Variants in PTPRD observed in about 807,000 individuals in gnomAD.
PTPRD encodes protein tyrosine phosphatase receptor type D.
Under a neutral mutation model 214.5 loss-of-function variants are expected in PTPRD, and 34 were observed. The observed-to-expected ratio is 0.16, with a 90% CI of 0.12 to 0.21. PTPRD has a LOEUF of 0.21. Ranked by LOEUF, PTPRD falls within the 10% of genes least tolerant of loss-of-function variation. PTPRD has a pLI of 1.00. For synonymous variants in PTPRD, 1,128 were observed against 845.7 expected (o/e 1.33, Z -5.79); for missense variants, 2,545 against 2,398.7 (o/e 1.06, Z -1.27).
intron 6 of PTPRD, among the ~76,000 whole-genome samples, chr9:9,741,978 C>T (rs1226860689): frequency 1.3e-5 from 2 of 152,040 alleles, no homozygotes; most frequent in Non-Finnish European, 2.9e-5. Flanking sequence ...CCTAGTAATG[C>T]AATTGTTGGG....
At chr9:9,614,207 A>T (rs2094712798) in intron 7 of PTPRD, among the ~76,000 whole-genome samples, 1 of 152,028 alleles carries the variant, frequency 6.6e-6, no homozygotes, top group Admixed American at 6.6e-5. Context: ...CAAAGTGGTT[A>T]ATTTTAGATC....
At chr9:9,312,182 G>T (rs1280179000) in intron 9 of PTPRD, among the ~76,000 whole-genome samples, 2 of 152,262 alleles carry the variant, frequency 1.3e-5, no homozygotes, top group East Asian at 3.9e-4. Context: ...ACTGAGATGT[G>T]AAGTATCAGC....
At position 10,580,320 on chromosome 9, in the gene PTPRD, C is replaced by T. The variant is rs1000645358; in HGVS notation, c.-600+32078G>A. Among the ~76,000 whole-genome samples, 25 of 152,236 alleles carry T rather than the reference C, an allele frequency of 1.6e-4. 1 individual carries two copies. Among genetic ancestry groups the T allele is most frequent in the Admixed American group, 1.2e-3 (18 of 15,296 alleles). ...ATGCCATTTTTAAAATAAAATATTA[C>T]ATTCTTTGTCTTGGGAATGTGATTT... On this transcript the variant is annotated intron_variant, in intron 2 of 45. Transcript: ENST00000381196.
At chr9:9,679,478 C>T (rs1205535747) in intron 7 of PTPRD, among the ~76,000 whole-genome samples, 2 of 151,848 alleles carry the variant, frequency 1.3e-5, no homozygotes, top group Non-Finnish European at 2.9e-5. Flanking sequence ...GATAGAATGA[C>T]GGATCCCCCT....
intron 39 of PTPRD, among the ~76,000 whole-genome samples, chr9:8,351,067 C>T (rs2075307455): frequency 6.6e-6 from 1 of 152,130 alleles, no homozygotes; most frequent in Admixed American, 6.5e-5. Context: ...GTAAAACAAT[C>T]ATGGCTAGGG....
chr9:10,309,752 AC>A (rs2096213265), intron 3 of PTPRD, among the ~76,000 whole-genome samples: 1 of 151,952 alleles, frequency 6.6e-6, no homozygotes, highest in Non-Finnish European at 1.5e-5. Context: ...ATAGATATAT[AC>A]ATATGTGTCT....
At chr9:10,308,286 T>A (rs2096152185) in intron 3 of PTPRD, among the ~76,000 whole-genome samples, 1 of 152,088 alleles carries the variant, frequency 6.6e-6, no homozygotes, top group Admixed American at 6.6e-5. Flanking sequence ...CATATGGATG[T>A]CCAATGTTCC....
chr9:10,126,315 T>C (rs2098818718), intron 3 of PTPRD, among the ~76,000 whole-genome samples: 1 of 152,092 alleles, frequency 6.6e-6, no homozygotes, highest in Non-Finnish European at 1.5e-5. Flanking sequence ...ATATTTAATA[T>C]TCCATAATAT....
At chr9:10,033,950 G>A (rs2097130197) in intron 3 of PTPRD, among the ~76,000 whole-genome samples, 160 bp from the exon 4 acceptor site, 1 of 152,070 alleles carries the variant, frequency 6.6e-6, no homozygotes, top group Non-Finnish European at 1.5e-5. Context: ...ACCTTAAAAT[G>A]AGAGTCTATA....
chr9:9,972,831 C>T (rs1185967577), intron 4 of PTPRD, among the ~76,000 whole-genome samples: 2 of 152,260 alleles, frequency 1.3e-5, no homozygotes, highest in East Asian at 1.9e-4. Context: ...AACTCTGAGC[C>T]TCTGCCTCTT....
At chr9:9,368,810 G>A (rs563340364) in intron 9 of PTPRD, among the ~76,000 whole-genome samples, 36 of 151,880 alleles carry the variant, frequency 2.4e-4, no homozygotes, top group African/African-American at 8.0e-4. Context: ...TGCACAACGT[G>A]CAGGTTACAT....
intron 11 of PTPRD, among the ~76,000 whole-genome samples, chr9:8,921,077 G>T (rs748586228): frequency 6.6e-6 from 1 of 152,180 alleles, no homozygotes; most frequent in Middle Eastern, 3.2e-3. Flanking sequence ...GCCTCCCAAA[G>T]TGTTGGGATT....
chr9:10,043,719 G>A (rs1461109202), intron 3 of PTPRD, among the ~76,000 whole-genome samples: 1 of 151,792 alleles, frequency 6.6e-6, no homozygotes, highest in Non-Finnish European at 1.5e-5. Context: ...TGTTGCCAAG[G>A]AGACATTCTA....
chr9:8,419,842 A>G (rs1039799884), intron 35 of PTPRD, among the ~76,000 whole-genome samples: 22 of 152,166 alleles, frequency 1.4e-4, no homozygotes, highest in African/African-American at 5.1e-4. Context: ...AATATGAGAA[A>G]GAGAAACATG....
chr9:8,484,272 T>C lies in PTPRD; in HGVS notation c.3260A>G (p.Asn1087Ser). The C allele has an allele frequency of 1.2e-6, 2 of 1,614,118 alleles. No individual in the cohort carries two copies. Among genetic ancestry groups the C allele is most frequent in the South Asian group, 2.2e-5 (2 of 91,080 alleles). ...CAGCCCACCAGCACTGTTTCCACGA[T>C]TTGTCAGCACAAATGAATATGATTT... ...PEKSYSFVLT[N>S]RGNSAGGLQH... The change falls in exon 30 of 46, where the codon AAT becomes AGT. Residue 1087 changes from asparagine to serine, a missense_variant. Asn to Ser is a conservative substitution (Grantham distance 46). Coordinates refer to ENST00000381196, the MANE Select transcript of PTPRD (RefSeq NM_002839.4).
intron 37 of PTPRD, among the ~76,000 whole-genome samples, chr9:8,387,587 C>T (rs944491365): frequency 5.9e-5 from 9 of 152,162 alleles, no homozygotes; most frequent in African/African-American, 1.4e-4. Context: ...TATAATAGTT[C>T]AGCTGTCTCA....
intron 2 of PTPRD, among the ~76,000 whole-genome samples, chr9:10,464,094 T>A (rs1297212580): frequency 6.6e-6 from 1 of 151,398 alleles, no homozygotes; most frequent in East Asian, 1.9e-4. Flanking sequence ...TTAAAAGTTA[T>A]CAGATTAAGA....
chr9:8,975,671 A>G (rs1206161368), intron 11 of PTPRD, among the ~76,000 whole-genome samples: 1 of 151,936 alleles, frequency 6.6e-6, no homozygotes, highest in African/African-American at 2.4e-5. Flanking sequence ...ATTCAGTGTA[A>G]TAAACATTTT....
intron 3 of PTPRD, among the ~76,000 whole-genome samples, chr9:10,208,310 C>G (rs568193048): frequency 3.3e-5 from 5 of 152,118 alleles, no homozygotes; most frequent in Non-Finnish European, 4.4e-5. Flanking sequence ...GTCAGGAGAT[C>G]GACGCCATCC....
Sources: gnomAD v4.1 joint callset for allele counts (sites outside exome capture counted in the v4.1 genomes callset) on GRCh38, gnomAD v4.1.1 for gene constraint, MANE v1.5 for transcripts, NCBI Gene and HGNC (gene_info 2026-07-23, HGNC 2026-07-21) for gene names.